The following KSR2 variants were observed in gnomAD, a reference collection of about 807,000 sequenced individuals.
The protein encoded by KSR2 is kinase suppressor of ras 2.
KSR2 carries 25 observed loss-of-function variants against 107.8 expected under a neutral mutation model. That is an observed-to-expected ratio of 0.23 (90% CI 0.17 to 0.32). The LOEUF (loss-of-function observed/expected upper bound fraction) is 0.32, where lower values mean the gene tolerates loss of function less well. Ranked by LOEUF, KSR2 falls within the 10% of genes least tolerant of loss-of-function variation. The pLI is 1.00. For synonymous variants in KSR2, 480 were observed against 507.0 expected, an observed-to-expected ratio of 0.95 and a Z score of 0.71; for missense variants, 887 against 1,268.9, an observed-to-expected ratio of 0.70 and a Z score of 4.57.
At chr12:117,762,054 C>T (rs1416622637) in intron 3 of KSR2, among the ~76,000 whole-genome samples, 1 of 152,192 alleles carries the variant, frequency 6.6e-6, no homozygotes, top group Non-Finnish European at 1.5e-5. Flanking sequence ...CCTTGTTGAC[C>T]CTGTTACCCT....
At chr12:117,801,333 T>C (rs1450819229) in intron 3 of KSR2, among the ~76,000 whole-genome samples, 1 of 151,886 alleles carries the variant, frequency 6.6e-6, no homozygotes, top group Non-Finnish European at 1.5e-5. Flanking sequence ...TTTGTTATAT[T>C]GGCCAGGCTG....
At chr12:117,783,189 C>T (rs1376074872) in intron 3 of KSR2, among the ~76,000 whole-genome samples, 1 of 152,150 alleles carries the variant, frequency 6.6e-6, no homozygotes, top group Non-Finnish European at 1.5e-5. Context: ...CCTAATTCAA[C>T]CCTTACAACG....
At chr12:117,665,350 T>C (rs891187400) in intron 5 of KSR2, among the ~76,000 whole-genome samples, 4 of 151,208 alleles carry the variant, frequency 2.6e-5, no homozygotes, top group African/African-American at 9.9e-5. Flanking sequence ...TTTAAATCTG[T>C]GTTTTGTTGT....
At chr12:117,571,120 T>C (rs997392622) in intron 7 of KSR2, among the ~76,000 whole-genome samples, 5 of 152,070 alleles carry the variant, frequency 3.3e-5, no homozygotes, top group African/African-American at 1.2e-4. Flanking sequence ...TAGCCGGACA[T>C]GGTGGTGGGC....
chr12:117,575,720 T>C (rs776297925), intron 7 of KSR2, among the ~76,000 whole-genome samples: 4 of 152,226 alleles, frequency 2.6e-5, no homozygotes, highest in Non-Finnish European at 5.9e-5. Context: ...ATGTCAGATC[T>C]TCATGTTTTG....
At chr12:117,620,384 T>G (rs1453621616) in intron 5 of KSR2, among the ~76,000 whole-genome samples, 1 of 152,174 alleles carries the variant, frequency 6.6e-6, no homozygotes, top group Non-Finnish European at 1.5e-5. Context: ...TAGTTCCTGC[T>G]TCTATCTCAA....
rs868398568 is a variant in KSR2, at chr12:117,482,548, G to A, written c.2450+1868C>T. Among the ~76,000 whole-genome samples the A allele has an allele frequency of 1.2e-4, 19 of 152,284 alleles. No homozygotes were observed. The South Asian group carries it at 1.9e-3, about 15-fold the overall frequency. ...TGGGTTTGTGTTGACAACCTGGCTG[G>A]GGCAGGGGTGGGAGGGGCTGCTCTC... On this transcript the variant is annotated intron_variant, in intron 16 of 19. Coordinates refer to ENST00000339824, the MANE Select transcript of KSR2 (RefSeq NM_173598.6).
chr12:117,613,074 A>G (rs1158179562), intron 5 of KSR2, among the ~76,000 whole-genome samples: 1 of 152,212 alleles, frequency 6.6e-6, no homozygotes, highest in Non-Finnish European at 1.5e-5. Context: ...GGAACAGACT[A>G]ATACAGACAG....
At chr12:117,544,012 C>T (rs562570836) in intron 9 of KSR2, among the ~76,000 whole-genome samples, 1 of 152,272 alleles carries the variant, frequency 6.6e-6, no homozygotes, top group South Asian at 2.1e-4. Context: ...GATTAAGGGA[C>T]CACCCTTCCA....
intron 3 of KSR2, among the ~76,000 whole-genome samples, chr12:117,819,602 G>A (rs1252161421): frequency 1.3e-5 from 2 of 151,986 alleles, no homozygotes; most frequent in Admixed American, 6.5e-5. Context: ...TCTCAGTTAA[G>A]CTGTCAAAAA....
Position 117,574,892 on chromosome 12 carries a change from GAA to G in KSR2, c.1325+4225_1325+4226del, listed in dbSNP as rs35204005. The stretch of plus-strand genomic sequence containing the variant: ...TAACAGAACTGGATTTGCTCTGGGT[GAA>G]AAAAAAAAAAAAAAAAAAATCACTC... On this transcript the variant is annotated intron_variant, in intron 7 of 19. Transcript: ENST00000339824. Among the ~76,000 whole-genome samples the G allele has an allele frequency of 4.5e-3, 522 of 115,290 alleles. 4 individuals carry two copies. The highest frequency in any genetic ancestry group is 0.024 in the Middle Eastern group (5 of 208). 75.6% of individuals were successfully genotyped at this position (115,290 alleles called of 152,430 possible). A position where few individuals can be genotyped will look rare whatever the true frequency, so the allele number is the denominator to read the frequency against.
chr12:117,482,528 T>C (rs1278383802), intron 16 of KSR2, among the ~76,000 whole-genome samples: 1 of 152,128 alleles, frequency 6.6e-6, no homozygotes, highest in Non-Finnish European at 1.5e-5. Context: ...CTCCCTGGGT[T>C]TGTGTTGACA....
intron 1 of KSR2, among the ~76,000 whole-genome samples, chr12:117,924,269 T>C (rs1895436555): frequency 6.6e-6 from 1 of 151,048 alleles, no homozygotes; most frequent in Non-Finnish European, 1.5e-5. Context: ...GACATAACTA[T>C]ATAGAAAAAA....
chr12:117,826,124 G>C, intron 3 of KSR2, among the ~76,000 whole-genome samples: 1 of 150,302 alleles, frequency 6.7e-6, no homozygotes, highest in Non-Finnish European at 1.5e-5. Flanking sequence ...GATAGAAACA[G>C]AAGAGAATGA....
intron 5 of KSR2, among the ~76,000 whole-genome samples, chr12:117,633,349 G>A (rs1471996993): frequency 6.6e-6 from 1 of 152,214 alleles, no homozygotes; most frequent in Non-Finnish European, 1.5e-5. Flanking sequence ...CAGCTTGAAT[G>A]TCTTCTTCTC....
At chr12:117,505,779 C>T (rs1311266329) in intron 14 of KSR2, among the ~76,000 whole-genome samples, 1 of 152,192 alleles carries the variant, frequency 6.6e-6, no homozygotes, top group Non-Finnish European at 1.5e-5. Flanking sequence ...CTTTTTTCTG[C>T]CACCTTCTTG....
Position 117,968,292 on chromosome 12 carries a change from C to G in KSR2, c.-37G>C. 8.2e-7 allele frequency: 1 copy of G among 1,215,872 alleles called. No individual in the cohort carries two copies. The allele number at this position is 1,215,872 out of a possible 1,614,324, so 75.3% of individuals were successfully genotyped here. ...CAACCCCCTTCCCCTCCTCCTCCTC[C>G]CAGAGAGAAAAAAGAGGGGGGGGAG... is the stretch of plus-strand genomic sequence containing the variant. On this transcript the variant is annotated 5_prime_UTR_variant, in exon 1 of 20. Transcript: ENST00000339824.
At chr12:117,953,460 T>G (rs1896423311) in intron 1 of KSR2, among the ~76,000 whole-genome samples, 1 of 152,180 alleles carries the variant, frequency 6.6e-6, no homozygotes, top group Admixed American at 6.5e-5. Context: ...AATACACAAA[T>G]GCTGACTATT....
intron 1 of KSR2, among the ~76,000 whole-genome samples, chr12:117,949,517 G>A (rs1313345930): frequency 1.3e-5 from 2 of 152,162 alleles, no homozygotes; most frequent in Non-Finnish European, 2.9e-5. Context: ...GTTAACAGTA[G>A]AAATATATTG....
Sources: allele counts gnomAD v4.1 joint callset (sites outside exome capture counted in the v4.1 genomes callset), GRCh38; gene constraint gnomAD v4.1.1; transcripts MANE v1.5; gene names NCBI Gene and HGNC (gene_info 2026-07-23, HGNC 2026-07-21).